The following BBS9 variants were observed in gnomAD, a reference collection of about 807,000 sequenced individuals.
BBS9 encodes protein PTHB1.
BBS9 carries 89 observed loss-of-function variants against 117.7 expected under a neutral mutation model. That is an observed-to-expected ratio of 0.76 (90% confidence interval 0.64 to 0.90). The LOEUF (loss-of-function observed/expected upper bound fraction) is 0.90, where lower values mean the gene tolerates loss of function less well. Ranked by LOEUF, BBS9 falls within the 40% of genes least tolerant of loss-of-function variation. BBS9 has a pLI of 0.00. For synonymous variants in BBS9, 379 were observed against 370.9 expected (o/e 1.02, Z -0.25); for missense variants, 982 against 1,042.2 (o/e 0.94, Z 0.80).
At chr7:33,574,703 A>ACACG (rs1446745465) in intron 21 of BBS9, among the ~76,000 whole-genome samples, 1 of 127,272 alleles carries the variant, frequency 7.9e-6, no homozygotes, top group Admixed American at 7.4e-5. Flanking sequence ...ACACACACAC[A>ACACG]CACACACACA....
chr7:33,571,583 C>T (rs1857799248), intron 21 of BBS9, among the ~76,000 whole-genome samples: 2 of 151,654 alleles, frequency 1.3e-5, no homozygotes, highest in Non-Finnish European at 2.9e-5. Context: ...TAATTTTTAT[C>T]TATAATTAGG....
chr7:33,234,535 A>C (rs1045312040), intron 5 of BBS9, among the ~76,000 whole-genome samples: 1 of 152,070 alleles, frequency 6.6e-6, no homozygotes, highest in Non-Finnish European at 1.5e-5. Flanking sequence ...TGTACAATAC[A>C]ATATTTTTAA....
intron 9 of BBS9, among the ~76,000 whole-genome samples, chr7:33,318,325 A>G (rs1243394610): frequency 2.0e-5 from 3 of 152,050 alleles, no homozygotes; most frequent in Non-Finnish European, 4.4e-5. Context: ...GAGTCTTTAC[A>G]TATATTGGTC....
chr7:33,377,846 T>A (rs1400453347), intron 17 of BBS9, among the ~76,000 whole-genome samples: 4 of 152,180 alleles, frequency 2.6e-5, no homozygotes, highest in Admixed American at 2.0e-4. Flanking sequence ...TCATTAGGAA[T>A]GTGAGGTGTA....
intron 20 of BBS9, among the ~76,000 whole-genome samples, chr7:33,513,705 A>C (rs1387821294): frequency 1.3e-5 from 2 of 152,222 alleles, no homozygotes; most frequent in Non-Finnish European, 2.9e-5. Context: ...ACCATAAATA[A>C]ATATTCACAT....
chr7:33,203,398 C>T (rs1459354494), intron 5 of BBS9, among the ~76,000 whole-genome samples: 4 of 152,092 alleles, frequency 2.6e-5, no homozygotes, highest in African/African-American at 9.7e-5. Flanking sequence ...CCAGGTGATG[C>T]CAATACTACT....
intron 19 of BBS9, among the ~76,000 whole-genome samples, chr7:33,432,070 T>G (rs903979671): frequency 1.3e-5 from 2 of 151,962 alleles, no homozygotes; most frequent in African/African-American, 2.4e-5. Context: ...TTGCCAGGAT[T>G]TTTTTTCTTT....
intron 19 of BBS9, among the ~76,000 whole-genome samples, chr7:33,463,015 T>A (rs919977500): frequency 6.6e-6 from 1 of 151,862 alleles, no homozygotes; most frequent in Non-Finnish European, 1.5e-5. Flanking sequence ...GGTGAATGGG[T>A]GAAATAAGGG....
In BBS9 at chr7:33,604,982, G is replaced by C; in HGVS notation, c.2632+7G>C. The C allele has an allele frequency of 6.3e-7, 1 of 1,596,606 alleles. No individual in the cohort carries two copies. Among genetic ancestry groups the C allele is most frequent in the Non-Finnish European group, 8.6e-7 (1 of 1,164,210 alleles). ...GCAGAGACACCCAGGCCTGGTAAGA[G>C]ACTGGATGGCCTTCACAAGCGTTAG... On this transcript the variant is annotated splice_region_variant and intron_variant, in intron 22 of 22. Coordinates refer to ENST00000242067, the MANE Select transcript of BBS9 (RefSeq NM_198428.3).
At chr7:33,169,577 T>C (rs1037101680) in intron 4 of BBS9, among the ~76,000 whole-genome samples, 2 of 149,824 alleles carry the variant, frequency 1.3e-5, no homozygotes, top group African/African-American at 4.9e-5. Flanking sequence ...GTGAGCATTT[T>C]TTCATGTGTT....
intron 9 of BBS9, among the ~76,000 whole-genome samples, chr7:33,294,303 A>ATCTATCTATCTATCTATCTG (rs1562950552): frequency 5.6e-5 from 3 of 53,806 alleles, no homozygotes; most frequent in African/African-American, 3.2e-4. Context: ...CTATCTATCT[A>ATCTATCTATCTATCTATCTG]TCTATCTATC....
At chr7:33,432,988 G>A (rs1314133458) in intron 19 of BBS9, among the ~76,000 whole-genome samples, 5 of 151,926 alleles carry the variant, frequency 3.3e-5, no homozygotes, top group African/African-American at 1.2e-4. Context: ...ACTAAGAGAG[G>A]GTTTATGTAT....
chr7:33,600,872 C>T (rs892236853), intron 21 of BBS9, among the ~76,000 whole-genome samples: 2 of 152,176 alleles, frequency 1.3e-5, no homozygotes, highest in Non-Finnish European at 2.9e-5. Context: ...GTACCGGCTG[C>T]CTCTTACTCT....
chr7:33,316,759 A>G (rs973949696), intron 9 of BBS9, among the ~76,000 whole-genome samples: 3 of 152,054 alleles, frequency 2.0e-5, no homozygotes, highest in Non-Finnish European at 4.4e-5. Context: ...GTAGTTCTTT[A>G]TATAGAAGGA....
chr7:33,242,250 T>G (rs1794651047), intron 5 of BBS9, among the ~76,000 whole-genome samples: 1 of 152,130 alleles, frequency 6.6e-6, no homozygotes, highest in Non-Finnish European at 1.5e-5. Flanking sequence ...TGTACTTTAT[T>G]TTGCTTTCTC....
chr7:33,498,487 A>T (rs748302112), intron 19 of BBS9, among the ~76,000 whole-genome samples: 7 of 152,070 alleles, frequency 4.6e-5, no homozygotes, highest in Non-Finnish European at 1.0e-4. Flanking sequence ...CCAAACCCCC[A>T]TTAGCTGTCA....
chr7:33,512,599 G>C (rs913523940), intron 20 of BBS9, among the ~76,000 whole-genome samples: 3 of 152,212 alleles, frequency 2.0e-5, no homozygotes, highest in African/African-American at 7.2e-5. Context: ...GGCTAGAGGT[G>C]TGTTTATATT....
chr7:33,542,091 C>CTTT (rs60822654), intron 21 of BBS9, among the ~76,000 whole-genome samples: 233 of 148,394 alleles, frequency 1.6e-3, no homozygotes, highest in African/African-American at 4.7e-3. Context: ...TGAGTAAGTT[C>CTTT]TTTTTTTTTT....
chr7:33,429,572 G>A (rs1834133816), intron 19 of BBS9, among the ~76,000 whole-genome samples: 1 of 152,080 alleles, frequency 6.6e-6, no homozygotes, highest in Non-Finnish European at 1.5e-5. Context: ...ATCTTTACTA[G>A]GATCCTGCCA....
Sources: allele counts gnomAD v4.1 joint callset (sites outside exome capture counted in the v4.1 genomes callset), GRCh38; gene constraint gnomAD v4.1.1; transcripts MANE v1.5; gene names NCBI Gene and HGNC (gene_info 2026-07-23, HGNC 2026-07-21).